The following RPRD2 variants were observed in gnomAD, a reference collection of about 807,000 sequenced individuals.
RPRD2 encodes regulation of nuclear pre-mRNA domain-containing protein 2.
In RPRD2, 12 loss-of-function variants were observed where a neutral mutation model predicts 104.4. That is an observed-to-expected ratio of 0.11 (90% CI 0.07 to 0.19). The LOEUF (loss-of-function observed/expected upper bound fraction) is 0.19, where lower values mean the gene tolerates loss of function less well. RPRD2 is among the 10% of genes least tolerant of loss of function. The pLI, the probability that RPRD2 is intolerant of heterozygous loss-of-function variation, is 1.00. For missense variants in RPRD2, 1,543 were observed against 1,790.1 expected, an observed-to-expected ratio of 0.86 and a Z score of 2.49; for synonymous variants, 714 against 684.9, an observed-to-expected ratio of 1.04 and a Z score of -0.66.
At chr1:150,460,465 G>C in intron 9 of RPRD2, 148 bp downstream of exon 9, 1 of 805,652 alleles carries the variant, frequency 1.2e-6, no homozygotes, top group Non-Finnish European at 1.9e-6. Context: ...GTGCAGTGGT[G>C]CAATCTTGGC....
chr1:150,367,889 A>G (rs1553877454), intron 1 of RPRD2, among the ~76,000 whole-genome samples: 2 of 151,816 alleles, frequency 1.3e-5, no homozygotes. Context: ...CGTCCAGCTA[A>G]TTTTTGTATT....
Position 150,471,246 on chromosome 1 carries a change from T to G in RPRD2, c.2298T>G (p.Ser766Arg). 6.2e-7 allele frequency: 1 copy of G among 1,613,678 alleles called. No homozygotes were observed. The change falls in exon 11 of 11, where the codon AGT becomes AGG. Residue 766 changes from serine (S) to arginine (R), a missense_variant. By Grantham distance (110) the Ser-to-Arg change is moderately radical. This residue lies in a region of RPRD2 where 880 missense variants were observed against 885.6 expected (regional missense o/e 0.99). Coordinates refer to ENST00000369068, the MANE Select transcript of RPRD2 (RefSeq NM_015203.5). This position sits in a 1 kb window ranked among gnomAD's most constrained non-coding sequence, Gnocchi z 5.3. ...IISPGSSTPS[S>R]TRSPPPGRDE... is the part of the protein sequence containing the mutation. Reference sequence around the variant, plus strand: ...GCCCTGGTTCCTCAACACCCAGCAGTACAAGATCACCACCCCCTGGGAGAG... The same window carrying G: ...GCCCTGGTTCCTCAACACCCAGCAGGACAAGATCACCACCCCCTGGGAGAG...
At chr1:150,395,513 CTTTT>C (rs71086506) in intron 1 of RPRD2, among the ~76,000 whole-genome samples, 1 of 131,646 alleles carries the variant, frequency 7.6e-6, no homozygotes. Flanking sequence ...ATGCAAATAT[CTTTT>C]TTTTTTTTTT....
intron 1 of RPRD2, among the ~76,000 whole-genome samples, chr1:150,387,567 CTTTTTTTTTTTTTTTTTTTTT>C (rs562476167): frequency 0.063 from 4,639 of 73,642 alleles, 129 homozygotes; most frequent in Middle Eastern, 0.12. Context: ...TGCAACAGAC[CTTTTTTTTTTTTTTTTTTTTT>C]TTTTTTTTTT....
At chr1:150,462,059 G>A (rs1013096156) in intron 9 of RPRD2, among the ~76,000 whole-genome samples, 4 of 151,934 alleles carry the variant, frequency 2.6e-5, no homozygotes, top group Admixed American at 2.6e-4. Flanking sequence ...CAAGGCAGGC[G>A]GATCACCTGA....
At chr1:150,465,201 G>A (rs587754219) in intron 10 of RPRD2, among the ~76,000 whole-genome samples, 164 of 151,876 alleles carry the variant, frequency 1.1e-3, no homozygotes, top group African/African-American at 3.6e-3. Flanking sequence ...CCAGGCTGGA[G>A]TGCAGTGGCC....
Position 150,464,658 on chromosome 1 carries a change from G to A in RPRD2, c.1543G>A (p.Glu515Lys). The change falls in exon 10 of 11, where the codon GAG (glutamate) becomes AAG (lysine). Residue 515 changes from glutamate (E) to lysine (K), a missense_variant. Glu to Lys is a moderately conservative substitution (Grantham distance 56). Around this residue, in one of 4 missense-constraint regions of RPRD2, gnomAD observed 572 missense variants for 787.3 expected, o/e 0.73. Coordinates refer to ENST00000369068, the MANE Select transcript of RPRD2 (RefSeq NM_015203.5). ...TCTGGCAAATATCCTCTCCAAGGTG[G>A]AGATCACCCCAGAGAGCATTCTGTC... ...NPLANILSKVEITPESILSAL... is the reference protein window; with the variant it reads ...NPLANILSKVKITPESILSAL... The A allele has an allele frequency of 6.2e-7, 1 of 1,612,654 alleles. No homozygotes were observed. Among genetic ancestry groups the A allele is most frequent in the Non-Finnish European group, 8.5e-7 (1 of 1,179,392 alleles).
intron 1 of RPRD2, among the ~76,000 whole-genome samples, chr1:150,383,464 G>A (rs999832056): frequency 3.3e-5 from 5 of 151,822 alleles, no homozygotes; most frequent in African/African-American, 7.3e-5. Context: ...ACAGATGCGC[G>A]TGCCACCACG....
In RPRD2 at chr1:150,468,687, C is replaced by T. The variant is rs147687336; in HGVS notation, c.1613-1874C>T. Among the ~76,000 whole-genome samples, 256 of 152,102 alleles carry T rather than the reference C, an allele frequency of 1.7e-3. 3 individuals carry two copies. Among genetic ancestry groups the T allele is most frequent in the Non-Finnish European group, 2.9e-3 (199 of 67,976 alleles). Reference sequence around the variant, plus strand: ...AGCCCAAGATTTTGAGATCAGCCTGCGCAACATGGTGAGACCTTGTCTCTA... The same window carrying T: ...AGCCCAAGATTTTGAGATCAGCCTGTGCAACATGGTGAGACCTTGTCTCTA... On this transcript the variant is annotated intron_variant, in intron 10 of 10. Coordinates refer to ENST00000369068, the MANE Select transcript of RPRD2 (RefSeq NM_015203.5).
At chr1:150,431,473 ATTTTTTTT>A (rs1160491386) in intron 2 of RPRD2, among the ~76,000 whole-genome samples, 9 of 78,850 alleles carry the variant, frequency 1.1e-4, no homozygotes, top group East Asian at 5.2e-4. Flanking sequence ...AAAAGGAAGG[ATTTTTTTT>A]TTTTTTTTTT....
intron 1 of RPRD2, among the ~76,000 whole-genome samples, chr1:150,412,114 C>CT (rs1187359232): frequency 2.0e-5 from 3 of 151,724 alleles, no homozygotes; most frequent in Non-Finnish European, 4.4e-5. Context: ...TAGAGTGAGA[C>CT]TAAGTCTCCA....
intron 1 of RPRD2, among the ~76,000 whole-genome samples, chr1:150,389,162 G>A (rs587637856): frequency 5.7e-4 from 87 of 152,066 alleles, no homozygotes; most frequent in African/African-American, 1.9e-3. Context: ...TCAGACTCCC[G>A]AGTAGCTGGG....
chr1:150,467,795 A>G (rs1668374886), intron 10 of RPRD2, among the ~76,000 whole-genome samples: 1 of 151,946 alleles, frequency 6.6e-6, no homozygotes, highest in South Asian at 2.1e-4. Flanking sequence ...TTCCTCGAAG[A>G]CTGTTAATGA....
At chr1:150,398,839 G>A (rs782416407) in intron 1 of RPRD2, among the ~76,000 whole-genome samples, 4 of 151,576 alleles carry the variant, frequency 2.6e-5, no homozygotes, top group African/African-American at 9.7e-5. Flanking sequence ...CACCACACCC[G>A]GCCTTAACAG....
intron 1 of RPRD2, among the ~76,000 whole-genome samples, chr1:150,370,898 T>C (rs1660249305): frequency 6.6e-6 from 1 of 152,100 alleles, no homozygotes; most frequent in South Asian, 2.1e-4. Flanking sequence ...ATAGAAACTT[T>C]ATGTATAAAA....
At chr1:150,446,718 C>T (rs1376572139) in intron 7 of RPRD2, among the ~76,000 whole-genome samples, 1 of 152,030 alleles carries the variant, frequency 6.6e-6, no homozygotes, top group Admixed American at 6.6e-5. Flanking sequence ...CACTGCACCC[C>T]AGCCTGGCCA....
At chr1:150,374,207 C>T (rs1328214894) in intron 1 of RPRD2, among the ~76,000 whole-genome samples, 2 of 152,054 alleles carry the variant, frequency 1.3e-5, no homozygotes, top group Non-Finnish European at 2.9e-5. Flanking sequence ...GCCTTCATAA[C>T]GAAACTTCCA....
Position 150,444,449 on chromosome 1 carries a change from GGTTTACCTCATAA to G in RPRD2, c.694+74_694+86del, listed in dbSNP as rs1487226274. 7 of 1,492,052 alleles carry G rather than the reference GGTTTACCTCATAA, an allele frequency of 4.7e-6. No homozygotes were observed. The African/African-American group carries it at 9.8e-5, about 21-fold the overall frequency. The allele number at this position is 1,492,052 out of a possible 1,614,324, so 92.4% of individuals were successfully genotyped here. On this transcript the variant is annotated intron_variant, in intron 6 of 10. Transcript: ENST00000369068. ...GTGTCATTTTTCCAGTAATCATACT[GGTTTACCTCATAA>G]GGAGATCCTTGGGTAGAAAGCAGTT...
intron 1 of RPRD2, among the ~76,000 whole-genome samples, chr1:150,392,894 G>A (rs587599980): frequency 6.6e-6 from 1 of 151,736 alleles, no homozygotes; most frequent in South Asian, 2.1e-4. Context: ...GGTATGAAGG[G>A]AATAAAGAAG....
Sources: allele counts gnomAD v4.1 joint callset (sites outside exome capture counted in the v4.1 genomes callset), GRCh38; gene constraint gnomAD v4.1.1; regional missense constraint gnomAD v4.1.1; non-coding constraint Gnocchi (gnomAD v3.1); transcripts MANE v1.5; gene names NCBI Gene and HGNC (gene_info 2026-07-23, HGNC 2026-07-21).